Variants in SLC14A2 observed in about 807,000 individuals in gnomAD.
SLC14A2 encodes the protein solute carrier family 14 member 2.
Under a neutral mutation model 104.6 loss-of-function variants are expected in SLC14A2, and 91 were observed. The ratio of observed to expected loss-of-function variants is 0.87; its 90% CI spans 0.73 to 1.04. The LOEUF (loss-of-function observed/expected upper bound fraction) is 1.04. SLC14A2 is among the 50% of genes least tolerant of loss of function. SLC14A2 has a pLI of 0.00. For synonymous variants in SLC14A2, 476 were observed against 466.4 expected, an observed-to-expected ratio of 1.02 and a Z score of -0.27; for missense variants, 1,189 against 1,156.0, an observed-to-expected ratio of 1.03 and a Z score of -0.41.
At chr18:45,227,725 G>C (rs1047176712) in intron 1 of SLC14A2, among the ~76,000 whole-genome samples, 1 of 152,144 alleles carries the variant, frequency 6.6e-6, no homozygotes, top group South Asian at 2.1e-4. Context: ...GAACTGGTGG[G>C]AGAAAAAATT....
rs73955833 is a variant in SLC14A2 at position 45,465,875 on chromosome 18, G to A, written c.-124-17358G>A. 9.6e-3 allele frequency among the ~76,000 whole-genome samples: 1,457 copies of A among 152,010 alleles called. 23 individuals are homozygous for A. The highest frequency in any genetic ancestry group is 0.03 in the African/African-American group (1,238 of 41,424). On this transcript the variant is annotated intron_variant, in intron 1 of 20. Coordinates refer to the SLC14A2 transcript ENST00000586448. ...AGTATAAAATGGAGAAAAGTGTCAC[G>A]TTGCAAATATAAGAGATGTCTGCTG...
intron 2 of SLC14A2, among the ~76,000 whole-genome samples, chr18:45,603,388 A>G (rs1299791274): frequency 6.6e-6 from 1 of 152,058 alleles, no homozygotes; most frequent in Non-Finnish European, 1.5e-5. Context: ...ACCATTGACA[A>G]TCAACAAGCA....
chr18:45,418,034 G>A lies in SLC14A2; in HGVS notation c.-124-65199G>A, dbSNP rs144274510. ...TTGGGTGCAGCTATTCAGGGAAATA[G>A]CACCATCCATCTCATGTCACATCCC... On this transcript the variant is annotated intron_variant, in intron 1 of 20. Transcript: ENST00000586448. Among the ~76,000 whole-genome samples the A allele has an allele frequency of 2.8e-3, 426 of 152,292 alleles. 1 individual carries two copies. Among genetic ancestry groups the A allele is most frequent in the African/African-American group, 9.8e-3 (408 of 41,554 alleles).
At chr18:45,278,055 A>G (rs542910233) in intron 1 of SLC14A2, among the ~76,000 whole-genome samples, 2 of 152,282 alleles carry the variant, frequency 1.3e-5, no homozygotes, top group South Asian at 4.2e-4. Context: ...GCGTTCCCCA[A>G]ACACTCCTAA....
intron 2 of SLC14A2, among the ~76,000 whole-genome samples, chr18:45,540,601 C>T (rs2043870747): frequency 2.0e-5 from 3 of 152,004 alleles, no homozygotes; most frequent in African/African-American, 7.3e-5. Flanking sequence ...AAAAATTAGC[C>T]AGGTGTGGTG....
chr18:45,397,325 T>C (rs967311335), intron 1 of SLC14A2, among the ~76,000 whole-genome samples: 3 of 152,134 alleles, frequency 2.0e-5, no homozygotes, highest in African/African-American at 7.2e-5. Context: ...ACCACATCTG[T>C]GATTTTATTG....
intron 1 of SLC14A2, among the ~76,000 whole-genome samples, chr18:45,300,742 C>T (rs1281376069): frequency 6.6e-6 from 1 of 152,162 alleles, no homozygotes; most frequent in East Asian, 1.9e-4. Context: ...TCTACTTTAT[C>T]CTCATTTTAC....
At chr18:45,167,979 G>A in the SLC14A2 span, among the ~76,000 whole-genome samples, 1 of 152,186 alleles carries the variant, frequency 6.6e-6, no homozygotes, top group Non-Finnish European at 1.5e-5. Flanking sequence ...ATAATTGTGA[G>A]CTTGGTAGAG....
chr18:45,590,542 A>C (rs2044633326), intron 2 of SLC14A2, among the ~76,000 whole-genome samples: 1 of 152,188 alleles, frequency 6.6e-6, no homozygotes, highest in South Asian at 2.1e-4. Context: ...GCAGGAGCTC[A>C]CGTGTGTGTA....
chr18:45,456,740 T>A (rs1273644558), intron 1 of SLC14A2, among the ~76,000 whole-genome samples: 1 of 135,930 alleles, frequency 7.4e-6, no homozygotes, highest in African/African-American at 2.8e-5. Flanking sequence ...TTCCTTTTCT[T>A]CCCCAGGAGA....
the SLC14A2 span, among the ~76,000 whole-genome samples, chr18:45,190,783 A>G: frequency 6.6e-6 from 1 of 152,204 alleles, no homozygotes; most frequent in African/African-American, 2.4e-5. Flanking sequence ...ACCAAAAATG[A>G]AGGTATAATT....
intron 1 of SLC14A2, among the ~76,000 whole-genome samples, chr18:45,264,787 G>C (rs1189926595): frequency 6.6e-6 from 1 of 152,110 alleles, no homozygotes; most frequent in Non-Finnish European, 1.5e-5. Context: ...TGAGAGTTAT[G>C]GGGGCCACAA....
rs531765163 is a variant in SLC14A2 at position 45,312,921 on chromosome 18, A to G, written c.-125+99730A>G. Among the ~76,000 whole-genome samples the G allele has an allele frequency of 4.6e-5, 7 of 152,268 alleles. No individual in the cohort carries two copies. In the East Asian group the frequency reaches 1.4e-3, roughly 29 times the overall value. On this transcript the variant is annotated intron_variant, in intron 1 of 20. Transcript: ENST00000586448. ...GCAGGTGCAGGGTTCTTGCCCCAAG[A>G]CCAAAGGCTCAGGGAAGCCGGTTGG...
intron 2 of SLC14A2, among the ~76,000 whole-genome samples, chr18:45,533,571 T>G (rs916997452): frequency 1.3e-5 from 2 of 152,236 alleles, no homozygotes; most frequent in Non-Finnish European, 2.9e-5. Flanking sequence ...TTATTGCGTC[T>G]ATTTGATTCT....
At chr18:45,306,175 C>G (rs952945294) in intron 1 of SLC14A2, among the ~76,000 whole-genome samples, 1 of 152,130 alleles carries the variant, frequency 6.6e-6, no homozygotes, top group Admixed American at 6.5e-5. Flanking sequence ...TCATTATTAG[C>G]TTCCCCACTG....
At chr18:45,398,307 C>G (rs958606151) in intron 1 of SLC14A2, among the ~76,000 whole-genome samples, 1 of 151,988 alleles carries the variant, frequency 6.6e-6, no homozygotes, top group Non-Finnish European at 1.5e-5. Flanking sequence ...AATTTCCTAC[C>G]AAAATCAAAC....
intron 1 of SLC14A2, among the ~76,000 whole-genome samples, chr18:45,384,628 G>A (rs2430887): frequency 0.48 from 72,997 of 150,822 alleles, 21,468 homozygotes; most frequent in East Asian, 0.8. Flanking sequence ...AACTACCCCC[G>A]CCCCCAACCA....
At position 45,666,160 on chromosome 18, in the gene SLC14A2, GA is replaced by G; in HGVS notation, c.1501del (p.Arg501AspfsTer30). On this transcript the variant is annotated frameshift_variant, in exon 12 of 20. Transcript: ENST00000255226. LOFTEE classifies it high-confidence loss of function. ...SKVFGKGEHQ[E>X]RQNKDPFPYR... ...AGTGTTTGGAAAAGGCGAACACCAG[GA>G]AAGACAAAACAAAGACCCATTTCCC... The G allele has an allele frequency of 3.1e-6, 5 of 1,613,788 alleles. No individual in the cohort carries two copies. The highest frequency in any genetic ancestry group is 4.2e-6 in the Non-Finnish European group (5 of 1,179,760).
At chr18:45,368,539 C>A (rs1272697825) in intron 1 of SLC14A2, among the ~76,000 whole-genome samples, 1 of 152,156 alleles carries the variant, frequency 6.6e-6, no homozygotes, top group Admixed American at 6.5e-5. Flanking sequence ...GGGCTTATGA[C>A]TTTATAATGT....
Sources: allele counts gnomAD v4.1 joint callset (sites outside exome capture counted in the v4.1 genomes callset), GRCh38; gene constraint gnomAD v4.1.1; transcripts MANE v1.5; gene names NCBI Gene and HGNC (gene_info 2026-07-23, HGNC 2026-07-21).